Variants in SGCD observed in about 807,000 individuals in gnomAD.
The protein encoded by SGCD is sarcoglycan delta, also known as delta-sarcoglycan.
In SGCD, 18 loss-of-function variants were observed where a neutral mutation model predicts 36.6. The ratio of observed to expected loss-of-function variants is 0.49; its 90% CI spans 0.34 to 0.73. The LOEUF is 0.73. SGCD is among the 30% of genes least tolerant of loss of function. The pLI, the probability that SGCD is intolerant of heterozygous loss-of-function variation, is 0.01. For missense variants in SGCD, 387 were observed against 346.7 expected (o/e 1.12, Z -0.92); for synonymous variants, 133 against 130.6 (o/e 1.02, Z -0.12).
At position 156,671,970 on chromosome 5, in the gene SGCD, C is replaced by A. The variant is rs530980052; in HGVS notation, c.575+24434C>A. ...GTGAAATAATAGAGTGAGAACTCCA[C>A]TGTGAAGGCACAGTAGAGTTTATTT... On this transcript the variant is annotated intron_variant, in intron 7 of 8. Coordinates refer to ENST00000337851, the MANE Select transcript of SGCD (RefSeq NM_000337.6). Among the ~76,000 whole-genome samples the A allele has an allele frequency of 2.0e-5, 3 of 152,284 alleles. No homozygotes were observed. The South Asian group carries it at 6.2e-4, about 32-fold the overall frequency.
intron 8 of SGCD, among the ~76,000 whole-genome samples, chr5:156,758,477 G>A (rs1757420320): frequency 6.6e-6 from 1 of 151,550 alleles, no homozygotes. Context: ...ACATCCACTC[G>A]ATGGATATAA....
At chr5:156,170,388 G>A (rs1243154728) in intron 3 of SGCD, among the ~76,000 whole-genome samples, 1 of 152,146 alleles carries the variant, frequency 6.6e-6, no homozygotes, top group African/African-American at 2.4e-5. Flanking sequence ...GTTGTAATGG[G>A]TAAATTTTGA....
intron 7 of SGCD, among the ~76,000 whole-genome samples, chr5:156,654,916 G>T (rs1384371292): frequency 6.6e-6 from 1 of 152,048 alleles, no homozygotes; most frequent in African/African-American, 2.4e-5. Context: ...CTTTACATGA[G>T]ATTTATTTCA....
At chr5:155,905,663 T>A (rs1003447046) in intron 1 of SGCD, among the ~76,000 whole-genome samples, 70 of 152,108 alleles carry the variant, frequency 4.6e-4, no homozygotes, top group Admixed American at 3.3e-4. Context: ...GATTCCCACA[T>A]GTTGTGGGAG....
chr5:156,464,973 A>G (rs1036951865), intron 3 of SGCD, among the ~76,000 whole-genome samples: 5 of 152,174 alleles, frequency 3.3e-5, no homozygotes, highest in Non-Finnish European at 7.3e-5. Flanking sequence ...GGATAAGGAC[A>G]TTCTGCACAC....
At chr5:155,962,435 A>C (rs1321991041) in intron 1 of SGCD, among the ~76,000 whole-genome samples, 1 of 152,104 alleles carries the variant, frequency 6.6e-6, no homozygotes, top group Non-Finnish European at 1.5e-5. Flanking sequence ...GGTCATGCTG[A>C]GGACTCGCAT....
intron 1 of SGCD, among the ~76,000 whole-genome samples, chr5:155,940,009 T>A (rs1757291213): frequency 6.6e-6 from 1 of 152,044 alleles, no homozygotes; most frequent in South Asian, 2.1e-4. Flanking sequence ...AATTTTTGTA[T>A]TTTTGTAGAG....
At chr5:156,037,736 C>G (rs1019104553) in intron 1 of SGCD, among the ~76,000 whole-genome samples, 2 of 152,150 alleles carry the variant, frequency 1.3e-5, no homozygotes, top group Non-Finnish European at 2.9e-5. Context: ...TTTGCAGACA[C>G]AGGTCTTGCA....
intron 3 of SGCD, among the ~76,000 whole-genome samples, chr5:156,479,485 G>A (rs1755334093): frequency 6.6e-6 from 1 of 152,130 alleles, no homozygotes; most frequent in Non-Finnish European, 1.5e-5. Context: ...CCATGTGGGT[G>A]CCCACTTCAG....
chr5:156,424,184 A>G (rs1580972165), intron 3 of SGCD, among the ~76,000 whole-genome samples: 1 of 152,008 alleles, frequency 6.6e-6, no homozygotes, highest in African/African-American at 2.4e-5. Context: ...TTGTTTTTAT[A>G]TGTTCATGCA....
chr5:155,736,745 G>A, the SGCD span, among the ~76,000 whole-genome samples: 2 of 152,036 alleles, frequency 1.3e-5, no homozygotes, highest in African/African-American at 4.8e-5. Context: ...GCCATTTATT[G>A]AGTATCCACT....
At chr5:156,134,369 C>T (rs577238355) in intron 3 of SGCD, among the ~76,000 whole-genome samples, 1 of 152,308 alleles carries the variant, frequency 6.6e-6, no homozygotes, top group South Asian at 2.1e-4. Context: ...GCTTCACTTA[C>T]AGTACACCAT....
At chr5:156,651,500 T>G in intron 7 of SGCD, among the ~76,000 whole-genome samples, 1 of 152,128 alleles carries the variant, frequency 6.6e-6, no homozygotes, top group South Asian at 2.1e-4. Context: ...AGGAGTCCAG[T>G]TTTATTCTTC....
intron 1 of SGCD, among the ~76,000 whole-genome samples, chr5:156,058,499 A>G (rs1760117440): frequency 6.9e-6 from 1 of 145,894 alleles, no homozygotes; most frequent in South Asian, 2.1e-4. Flanking sequence ...CAGCATTTCT[A>G]ACGGGCTTCC....
chr5:156,255,954 G>T (rs150092403), intron 3 of SGCD, among the ~76,000 whole-genome samples: 115 of 152,006 alleles, frequency 7.6e-4, no homozygotes, highest in African/African-American at 2.7e-3. Flanking sequence ...CTTCTTTGTT[G>T]ATAAGTATTT....
At chr5:156,180,490 A>G (rs1027886945) in intron 3 of SGCD, among the ~76,000 whole-genome samples, 9 of 152,208 alleles carry the variant, frequency 5.9e-5, no homozygotes, top group Non-Finnish European at 1.3e-4. Flanking sequence ...TATAGTAAGT[A>G]ATTTTAATAA....
the SGCD span, among the ~76,000 whole-genome samples, chr5:155,799,236 G>A: frequency 6.6e-6 from 1 of 152,006 alleles, no homozygotes; most frequent in African/African-American, 2.4e-5. Flanking sequence ...TTGTTAATGA[G>A]GAAGCTCAAT....
chr5:156,501,817 A>G (rs1005721561), intron 3 of SGCD, among the ~76,000 whole-genome samples: 2 of 152,146 alleles, frequency 1.3e-5, no homozygotes, highest in East Asian at 3.9e-4. Context: ...TGGGATTACA[A>G]TGGGAGCCTG....
intron 1 of SGCD, among the ~76,000 whole-genome samples, chr5:156,001,015 C>G (rs576454824): frequency 1.3e-5 from 2 of 152,250 alleles, no homozygotes; most frequent in Admixed American, 1.3e-4. Context: ...TTGTCTTTCA[C>G]TGGGACCATC....
Sources: gnomAD v4.1 joint callset for allele counts (sites outside exome capture counted in the v4.1 genomes callset) on GRCh38, gnomAD v4.1.1 for gene constraint, MANE v1.5 for transcripts, NCBI Gene and HGNC (gene_info 2026-07-23, HGNC 2026-07-21) for gene names.